PCDH15: variants seen among roughly 807,000 people sequenced by gnomAD.
PCDH15 encodes the protein protocadherin related 15.
PCDH15 carries 129 observed loss-of-function variants against 178.5 expected under a neutral mutation model. That is an observed-to-expected ratio of 0.72 (90% confidence interval 0.63 to 0.84). PCDH15 has a LOEUF of 0.84. PCDH15 is among the 40% of genes least tolerant of loss of function. PCDH15 has a pLI of 0.00. For missense variants in PCDH15, 2,230 were observed against 2,099.9 expected (o/e 1.06, Z -1.21); for synonymous variants, 800 against 732.0 (o/e 1.09, Z -1.50).
At chr10:54,967,405 G>C (rs561361565) in intron 2 of PCDH15, among the ~76,000 whole-genome samples, 2 of 152,022 alleles carry the variant, frequency 1.3e-5, no homozygotes, top group Non-Finnish European at 2.9e-5. Context: ...AAGTTTCCTT[G>C]TACTCCTTTG....
chr10:54,363,321 T>G (rs983886599), intron 5 of PCDH15, among the ~76,000 whole-genome samples: 1 of 152,180 alleles, frequency 6.6e-6, no homozygotes, highest in Non-Finnish European at 1.5e-5. Flanking sequence ...TTATCATACA[T>G]GGAAAAGTTG....
chr10:55,266,904 A>G (rs1443007520), intron 1 of PCDH15, among the ~76,000 whole-genome samples: 1 of 152,228 alleles, frequency 6.6e-6, no homozygotes, highest in Non-Finnish European at 1.5e-5. Context: ...AAACTGAAAG[A>G]GCACATTCTA....
At chr10:55,109,640 T>C (rs925670753) in intron 2 of PCDH15, among the ~76,000 whole-genome samples, 6 of 152,160 alleles carry the variant, frequency 3.9e-5, no homozygotes, top group Non-Finnish European at 8.8e-5. Flanking sequence ...AATCTCAAAA[T>C]TATTTTCATT....
chr10:55,075,468 C>T (rs1203809288), intron 2 of PCDH15, among the ~76,000 whole-genome samples: 4 of 150,628 alleles, frequency 2.7e-5, no homozygotes, highest in East Asian at 4.0e-4. Flanking sequence ...CGGGTTCAAG[C>T]GATTCCCCAG....
At chr10:54,178,363 C>T (rs145393781) in intron 13 of PCDH15, among the ~76,000 whole-genome samples, 1,807 of 151,848 alleles carry the variant, frequency 0.012, 42 homozygotes, top group African/African-American at 0.04. Context: ...ACATTTTTGT[C>T]GATAAGGAAA....
At chr10:54,199,855 G>T (rs1431690354) in intron 10 of PCDH15, among the ~76,000 whole-genome samples, 1 of 151,934 alleles carries the variant, frequency 6.6e-6, no homozygotes, top group East Asian at 1.9e-4. Flanking sequence ...TTAAGTGCTA[G>T]GTTTTGTTTG....
At chr10:54,953,084 G>A (rs914016209) in intron 2 of PCDH15, among the ~76,000 whole-genome samples, 1 of 151,488 alleles carries the variant, frequency 6.6e-6, no homozygotes, top group East Asian at 1.9e-4. Flanking sequence ...TCATGTGAAC[G>A]CACCTAGTTT....
intron 22 of PCDH15, among the ~76,000 whole-genome samples, chr10:53,961,105 G>T (rs1320955891): frequency 6.6e-6 from 1 of 151,374 alleles, no homozygotes; most frequent in Non-Finnish European, 1.5e-5. Flanking sequence ...TATTTTCCTA[G>T]ATATATGCAA....
At chr10:55,260,226 T>C (rs1393314111) in intron 1 of PCDH15, among the ~76,000 whole-genome samples, 6 of 152,172 alleles carry the variant, frequency 3.9e-5, no homozygotes, top group South Asian at 2.1e-4. Flanking sequence ...GTACAGATAC[T>C]AGTGAGGAGT....
rs530449076 is a variant in PCDH15 at position 54,619,056 on chromosome 10, T to C, written c.91+45116A>G. ...TTTTAACAAAATGTTCCCTTTTGCA[T>C]AGAGAAAGGAAAGTCAAACACTGAT... On this transcript the variant is annotated intron_variant, in intron 2 of 37. Transcript: ENST00000644397. The C allele has an allele frequency of 3.3e-5, 5 of 152,160 alleles. No homozygotes were observed. In the East Asian group the frequency reaches 5.8e-4, roughly 18 times the overall value. The allele number at this position is 152,160 out of a possible 1,614,324, so 9.4% of individuals were successfully genotyped here. A position where few individuals can be genotyped will look rare whatever the true frequency, so the allele number is the denominator to read the frequency against.
rs183765725 is a variant in PCDH15, at chr10:54,157,300, C to T, written c.1591-4007G>A. 2.7e-3 allele frequency among the ~76,000 whole-genome samples: 410 copies of T among 152,344 alleles called. 1 individual carries two copies. The highest frequency in any genetic ancestry group is 9.4e-3 in the African/African-American group (390 of 41,590). ...TGGGCAACCAGGTGTTTCCATACAT[C>T]CTCTGAAATCTAGGCAGAGGTTCCC... On this transcript the variant is annotated intron_variant, in intron 13 of 37. Coordinates refer to ENST00000644397, the MANE Select transcript of PCDH15 (RefSeq NM_001384140.1).
At chr10:54,376,435 T>A (rs1404170317) in intron 4 of PCDH15, among the ~76,000 whole-genome samples, 1 of 150,784 alleles carries the variant, frequency 6.6e-6, no homozygotes. Flanking sequence ...AAGGTATATA[T>A]ATTTACATAT....
At chr10:55,264,232 G>A (rs1842223236) in intron 1 of PCDH15, among the ~76,000 whole-genome samples, 1 of 152,092 alleles carries the variant, frequency 6.6e-6, no homozygotes, top group Admixed American at 6.5e-5. Context: ...TTAAGGGTAA[G>A]GCCCTAGAAA....
intron 1 of PCDH15, among the ~76,000 whole-genome samples, chr10:55,185,288 A>G (rs1336673079): frequency 2.0e-5 from 3 of 151,838 alleles, no homozygotes; most frequent in East Asian, 1.9e-4. Context: ...CTCATTATCT[A>G]TAAGATGTTA....
At chr10:54,300,058 C>T (rs781774916) in intron 8 of PCDH15, among the ~76,000 whole-genome samples, 12 of 152,142 alleles carry the variant, frequency 7.9e-5, no homozygotes, top group East Asian at 1.9e-4. Flanking sequence ...CTCTACAATC[C>T]GAAGTAGACT....
intron 3 of PCDH15, among the ~76,000 whole-genome samples, chr10:54,482,619 C>G (rs554029593): frequency 5.9e-5 from 9 of 151,744 alleles, no homozygotes; most frequent in African/African-American, 2.2e-4. Flanking sequence ...GGTACCTTAG[C>G]AGGCAATGGG....
intron 2 of PCDH15, among the ~76,000 whole-genome samples, chr10:54,623,289 T>C (rs2093445742): frequency 6.6e-6 from 1 of 152,138 alleles, no homozygotes; most frequent in Admixed American, 6.6e-5. Context: ...TCTGCATACA[T>C]CCATCTTGCC....
chr10:53,909,545 C>T (rs1278104671), intron 25 of PCDH15, among the ~76,000 whole-genome samples: 1 of 152,184 alleles, frequency 6.6e-6, no homozygotes, highest in African/African-American at 2.4e-5. Context: ...CATTCCAAGA[C>T]AGCTGAATAG....
At chr10:54,622,834 G>T (rs927561743) in intron 2 of PCDH15, among the ~76,000 whole-genome samples, 5 of 110,326 alleles carry the variant, frequency 4.5e-5, no homozygotes, top group Non-Finnish European at 9.5e-5. Context: ...TATCTCTCGT[G>T]TCTGTGAGCT....
Sources: gnomAD v4.1 joint callset for allele counts (sites outside exome capture counted in the v4.1 genomes callset) on GRCh38, gnomAD v4.1.1 for gene constraint, MANE v1.5 for transcripts, NCBI Gene and HGNC (gene_info 2026-07-23, HGNC 2026-07-21) for gene names.